Variants in CPSF4L observed in about 807,000 individuals in gnomAD.
CPSF4L encodes the protein putative cleavage and polyadenylation specificity factor subunit 4-like protein.
Under a neutral mutation model 24.0 loss-of-function variants are expected in CPSF4L, and 18 were observed. The ratio of observed to expected loss-of-function variants is 0.75; its 90% confidence interval spans 0.52 to 1.11. CPSF4L has a LOEUF of 1.11. Ranked by LOEUF, CPSF4L falls within the 50% of genes least tolerant of loss-of-function variation. The pLI is 0.00. For missense variants in CPSF4L, 211 were observed against 221.8 expected, an observed-to-expected ratio of 0.95 and a Z score of 0.31; for synonymous variants, 72 against 77.2, an observed-to-expected ratio of 0.93 and a Z score of 0.35.
chr17:73,252,466 TGA>T (rs1393095389), intron 5 of CPSF4L, among the ~76,000 whole-genome samples, 162 bp downstream of exon 5: 2 of 152,344 alleles, frequency 1.3e-5, no homozygotes, highest in African/African-American at 4.8e-5. Flanking sequence ...GTTAGAGTTC[TGA>T]GATTGCCAGG....
downstream of CPSF4L, chr17:73,245,134 T>C: frequency 6.2e-7 from 1 of 1,611,236 alleles, no homozygotes; most frequent in Non-Finnish European, 8.5e-7. Context: ...AAGTGGCCTC[T>C]CGGATCCTTA....
downstream of CPSF4L, chr17:73,247,587 C>T: frequency 2.3e-6 from 1 of 429,996 alleles, no homozygotes; most frequent in Non-Finnish European, 4.2e-6. Flanking sequence ...TTTTATATCC[C>T]TGAAAATAAG....
chr17:73,242,356 G>C, the CPSF4L span: 2 of 1,548,372 alleles, frequency 1.3e-6, no homozygotes, highest in African/African-American at 2.8e-5. Flanking sequence ...AAAAAGGTGA[G>C]GCTGGAGTTT....
chr17:73,243,582 G>A (rs150471935), downstream of CPSF4L, among the ~76,000 whole-genome samples: 1,437 of 148,636 alleles, frequency 9.7e-3, 26 homozygotes, highest in African/African-American at 0.033. Flanking sequence ...AGGCTAGAGT[G>A]CAGTGGCATG....
chr17:73,243,397 G>A, the CPSF4L span, among the ~76,000 whole-genome samples: 4 of 152,012 alleles, frequency 2.6e-5, no homozygotes, highest in African/African-American at 4.8e-5. Flanking sequence ...CAGGTGATCC[G>A]CCCACCTCAG....
At chr17:73,263,557 G>C (rs1371701331), upstream of CPSF4L, among the ~76,000 whole-genome samples, 1 of 152,078 alleles carries the variant, frequency 6.6e-6, no homozygotes, top group African/African-American at 2.4e-5. Flanking sequence ...CAATGTGAAG[G>C]CTGAGGAGGC....
At chr17:73,253,743 G>A (rs1333891594) in intron 4 of CPSF4L, among the ~76,000 whole-genome samples, 188 bp downstream of exon 4, 1 of 152,236 alleles carries the variant, frequency 6.6e-6, no homozygotes, top group East Asian at 1.9e-4. Context: ...TCTGCCTCAA[G>A]CCTGTTATGG....
At chr17:73,261,097 T>G in intron 1 of CPSF4L, 114 bp from the exon 2 acceptor site, 1 of 827,064 alleles carries the variant, frequency 1.2e-6, no homozygotes, top group Non-Finnish European at 1.9e-6. Context: ...CTCTGGCCTA[T>G]GGGATCCCAA....
upstream of CPSF4L, among the ~76,000 whole-genome samples, chr17:73,263,594 G>A (rs1436784704): frequency 2.0e-5 from 3 of 151,840 alleles, no homozygotes; most frequent in East Asian, 3.9e-4. Context: ...TGGCAGAAGC[G>A]GGGGTAAAGA....
At chr17:73,248,315 G>T, downstream of CPSF4L, 1 of 615,964 alleles carries the variant, frequency 1.6e-6, no homozygotes, top group East Asian at 2.8e-5. Context: ...GTGAGGCGGG[G>T]TAACTACTCA....
At chr17:73,250,440 G>T in intron 5 of CPSF4L, 1 of 1,208,124 alleles carries the variant, frequency 8.3e-7, no homozygotes, top group Non-Finnish European at 1.2e-6. Context: ...CTTATTTCAG[G>T]CATTCAAGCC....
intron 5 of CPSF4L, among the ~76,000 whole-genome samples, chr17:73,249,296 C>T (rs1306421735): frequency 6.6e-6 from 1 of 152,156 alleles, no homozygotes; most frequent in Non-Finnish European, 1.5e-5. Context: ...TGCTTTGTGC[C>T]GAGTGCCATG....
At chr17:73,247,356 TAGG>T (rs1168953858), downstream of CPSF4L, 8 of 1,613,822 alleles carry the variant, frequency 5.0e-6, no homozygotes, top group East Asian at 6.7e-5. Flanking sequence ...CACGTTTAAG[TAGG>T]AGAAGCCTTC....
In CPSF4L at chr17:73,253,907, G is replaced by T. The variant is rs1439309461; in HGVS notation, c.403+24C>A. ...CACCCTGATCCCCACAGCCCCTAGG[G>T]CTCCCTGGCTTCCAAGGCCTCACCG... On this transcript the variant is annotated intron_variant, in intron 4 of 5. Coordinates refer to ENST00000344935, the MANE Select transcript of CPSF4L (RefSeq NM_001129885.1). The T allele has an allele frequency of 3.3e-6, 5 of 1,512,304 alleles. No homozygotes were observed. The African/African-American group carries it at 5.5e-5, about 17-fold the overall frequency. 93.7% of individuals were successfully genotyped at this position (1,512,304 alleles called of 1,614,324 possible). A position where few individuals can be genotyped will look rare whatever the true frequency, so the allele number is the denominator to read the frequency against.
chr17:73,259,670 C>T (rs1453332792), intron 2 of CPSF4L, among the ~76,000 whole-genome samples: 1 of 152,184 alleles, frequency 6.6e-6, no homozygotes, highest in Non-Finnish European at 1.5e-5. Context: ...CCTGGGTGCA[C>T]AAGGCCTTGG....
intron 2 of CPSF4L, 56 bp downstream of exon 2, chr17:73,260,877 C>T (rs927838550): frequency 1.4e-6 from 2 of 1,448,234 alleles, no homozygotes; most frequent in Non-Finnish European, 1.9e-6. Context: ...CTGGGTGTAG[C>T]TCAGACAGAC....
At chr17:73,245,110 G>T (rs970087566), downstream of CPSF4L, 9 of 1,526,930 alleles carry the variant, frequency 5.9e-6, no homozygotes, top group Non-Finnish European at 8.2e-6. Flanking sequence ...GCAAAAGATA[G>T]TAACAGTCAT....
At chr17:73,246,793 C>T (rs944743562), downstream of CPSF4L, among the ~76,000 whole-genome samples, 1 of 152,158 alleles carries the variant, frequency 6.6e-6, no homozygotes, top group African/African-American at 2.4e-5. Context: ...GGGAAGAGTT[C>T]TACATTCAGT....
At chr17:73,262,018 G>C (rs1177533709), upstream of CPSF4L, 1 of 585,924 alleles carries the variant, frequency 1.7e-6, no homozygotes, top group Non-Finnish European at 3.1e-6. Flanking sequence ...GGCCCACCCA[G>C]TGCAGGGGCA....
Sources: allele counts gnomAD v4.1 joint callset (sites outside exome capture counted in the v4.1 genomes callset), GRCh38; gene constraint gnomAD v4.1.1; transcripts MANE v1.5; gene names NCBI Gene and HGNC (gene_info 2026-07-23, HGNC 2026-07-21).